CACNG5: variants seen among roughly 807,000 people sequenced by gnomAD.
CACNG5 encodes calcium voltage-gated channel auxiliary subunit gamma 5.
CACNG5 carries 18 observed loss-of-function variants against 24.8 expected under a neutral mutation model. The observed-to-expected ratio is 0.73, with a 90% CI of 0.50 to 1.08. The LOEUF (loss-of-function observed/expected upper bound fraction) is 1.08, where lower values mean the gene tolerates loss of function less well. Ranked by LOEUF, CACNG5 falls within the 50% of genes least tolerant of loss-of-function variation. CACNG5 has a pLI of 0.00. For missense variants in CACNG5, 349 were observed against 367.9 expected (o/e 0.95, Z 0.42); for synonymous variants, 157 against 149.1 (o/e 1.05, Z -0.39).
chr17:66,879,118 G>A (rs907021611), intron 3 of CACNG5, 60 bp downstream of exon 3: 9 of 1,261,558 alleles, frequency 7.1e-6, no homozygotes, highest in African/African-American at 5.9e-5. Flanking sequence ...GCAAGGCAGA[G>A]GGAAGAGTCA....
At chr17:66,857,468 GTTAAA>G (rs1180413182) in intron 1 of CACNG5, among the ~76,000 whole-genome samples, 1 of 152,102 alleles carries the variant, frequency 6.6e-6, no homozygotes, top group Non-Finnish European at 1.5e-5. Context: ...AAAGACACAG[GTTAAA>G]TTAATTTTAA....
chr17:66,850,934 A>G (rs762754310), intron 1 of CACNG5, among the ~76,000 whole-genome samples: 8 of 152,194 alleles, frequency 5.3e-5, no homozygotes, highest in Non-Finnish European at 1.0e-4. Flanking sequence ...AATACTAAGG[A>G]GAACCAGGGG....
intron 1 of CACNG5, among the ~76,000 whole-genome samples, chr17:66,839,687 G>T (rs1334335816): frequency 1.3e-5 from 2 of 151,798 alleles, no homozygotes; most frequent in Non-Finnish European, 2.9e-5. Flanking sequence ...CAGTGAGTCT[G>T]GGGGCTGGGC....
chr17:66,891,421 T>C lies in CACNG5; in HGVS notation c.*6181T>C, dbSNP rs1977343392. ...TTCTCACTCAGGATCTCCCAGGCAG[T>C]TGGAGTCAGACAGTGGCTGTCATTT... On this transcript the variant is annotated 3_prime_UTR_variant, in exon 6 of 6. Transcript: ENST00000533854. 6.6e-6 allele frequency among the ~76,000 whole-genome samples: 1 copy of C among 152,310 alleles called. No individual in the cohort carries two copies. Among genetic ancestry groups the C allele is most frequent in the Admixed American group, 6.5e-5 (1 of 15,304 alleles).
chr17:66,838,797 T>G (rs1235222522), intron 1 of CACNG5, among the ~76,000 whole-genome samples: 1 of 152,008 alleles, frequency 6.6e-6, no homozygotes, highest in Non-Finnish European at 1.5e-5. Context: ...TGCTGGCTGC[T>G]GTTCTAAGTA....
chr17:66,856,168 A>C (rs1416643617), intron 1 of CACNG5, among the ~76,000 whole-genome samples: 1 of 152,204 alleles, frequency 6.6e-6, no homozygotes, highest in Non-Finnish European at 1.5e-5. Context: ...TTGTGTTTAT[A>C]TTTTTTAGTA....
At chr17:66,877,660 G>A (rs1234957181) in intron 2 of CACNG5, 132 bp downstream of exon 2, 12 of 737,176 alleles carry the variant, frequency 1.6e-5, no homozygotes, top group South Asian at 5.5e-5. Context: ...TATATATGGC[G>A]GGTGGTGCTC....
At chr17:66,860,097 A>G (rs1396003646) in intron 1 of CACNG5, among the ~76,000 whole-genome samples, 1 of 152,186 alleles carries the variant, frequency 6.6e-6, no homozygotes, top group Non-Finnish European at 1.5e-5. Context: ...AGAGTTTTCA[A>G]GGTGGTGAGC....
chr17:66,854,030 T>C (rs993177777), intron 1 of CACNG5, among the ~76,000 whole-genome samples: 3 of 152,100 alleles, frequency 2.0e-5, no homozygotes, highest in African/African-American at 4.8e-5. Flanking sequence ...CAAAGGAACA[T>C]TATGCAGCAA....
chr17:66,887,050 G>T lies in CACNG5; in HGVS notation c.*1810G>T, dbSNP rs1194120203. Among the ~76,000 whole-genome samples, 1 of 152,272 alleles carries T rather than the reference G, an allele frequency of 6.6e-6. No homozygotes were observed. The highest frequency in any genetic ancestry group is 1.9e-4 in the East Asian group (1 of 5,180). On this transcript the variant is annotated 3_prime_UTR_variant, in exon 6 of 6. Transcript: ENST00000533854. ...TTTTCATGAAATAACCTCTTTAAAGGCTCTATCTCCAAATACAGTCATGTT... is the reference window on the plus strand; with the variant it reads ...TTTTCATGAAATAACCTCTTTAAAGTCTCTATCTCCAAATACAGTCATGTT...
chr17:66,884,895 CT>C, intron 5 of CACNG5, 87 bp from the exon 6 acceptor site: 1 of 1,613,722 alleles, frequency 6.2e-7, no homozygotes, highest in Non-Finnish European at 8.5e-7. Context: ...TCCCACCCCA[CT>C]CGAGCTGTGT....
At chr17:66,858,738 C>A (rs58588637) in intron 1 of CACNG5, among the ~76,000 whole-genome samples, 11,539 of 144,450 alleles carry the variant, frequency 0.08, 831 homozygotes, top group African/African-American at 0.2. Flanking sequence ...AGTGAAATCT[C>A]CCCCTGCATC....
chr17:66,875,541 C>G (rs1977063552), intron 1 of CACNG5, among the ~76,000 whole-genome samples: 1 of 152,190 alleles, frequency 6.6e-6, no homozygotes, highest in African/African-American at 2.4e-5. Context: ...CAAAGAGGCT[C>G]TAAACTCTGC....
At chr17:66,855,547 A>C (rs1035505405) in intron 1 of CACNG5, among the ~76,000 whole-genome samples, 2 of 152,140 alleles carry the variant, frequency 1.3e-5, no homozygotes, top group Non-Finnish European at 2.9e-5. Context: ...TTTTTGAGAC[A>C]GAGTCTCACC....
intron 1 of CACNG5, among the ~76,000 whole-genome samples, chr17:66,859,402 G>T (rs1976826032): frequency 6.6e-6 from 1 of 152,094 alleles, no homozygotes; most frequent in South Asian, 2.1e-4. Context: ...TTGGGTATGT[G>T]TCCTACATAT....
chr17:66,852,343 A>G (rs1249183553), intron 1 of CACNG5, among the ~76,000 whole-genome samples: 2 of 152,154 alleles, frequency 1.3e-5, no homozygotes, highest in African/African-American at 4.8e-5. Context: ...GGGAATTCTT[A>G]GTCTCCATAA....
At position 66,836,546 on chromosome 17, in the gene CACNG5, C is replaced by T. The variant is rs75444740; in HGVS notation, c.-104+1296C>T. On this transcript the variant is annotated intron_variant, in intron 1 of 5. Coordinates refer to ENST00000533854, the MANE Select transcript of CACNG5 (RefSeq NM_145811.3). ...AGACCCTGTAGCCAGCCCCTCATGCCGAAGTCTCCTGCCTGCCTGAGAAGC... is the reference window on the plus strand; with the variant it reads ...AGACCCTGTAGCCAGCCCCTCATGCTGAAGTCTCCTGCCTGCCTGAGAAGC... Among the ~76,000 whole-genome samples, 24 of 152,304 alleles carry T rather than the reference C, an allele frequency of 1.6e-4. 1 individual carries two copies. In the East Asian group the frequency reaches 4.2e-3, roughly 27 times the overall value.
Position 66,890,579 on chromosome 17 carries a change from G to A in CACNG5, c.*5339G>A, listed in dbSNP as rs1361903970. ...CTGGTGTGTGAAGCCAGGACTCCCT[G>A]TGTGCTCACTGTGGGGCTAAGGTTT... On this transcript the variant is annotated 3_prime_UTR_variant, in exon 6 of 6. Transcript: ENST00000533854. Among the ~76,000 whole-genome samples the A allele has an allele frequency of 6.6e-6, 1 of 152,234 alleles. No individual in the cohort carries two copies. Among genetic ancestry groups the A allele is most frequent in the African/African-American group, 2.4e-5 (1 of 41,454 alleles).
In CACNG5 at chr17:66,885,699, C is replaced by G. The variant is rs934392088; in HGVS notation, c.*459C>G. 6.6e-6 allele frequency among the ~76,000 whole-genome samples: 1 copy of G among 152,284 alleles called. No homozygotes were observed. The highest frequency in any genetic ancestry group is 2.4e-5 in the African/African-American group (1 of 41,480). Reference sequence around the variant, plus strand: ...CATTCACATTCAAGATCTGCACCATCTGGCCGAAAGGTGACTCTGATATAG... The same window carrying G: ...CATTCACATTCAAGATCTGCACCATGTGGCCGAAAGGTGACTCTGATATAG... On this transcript the variant is annotated 3_prime_UTR_variant, in exon 6 of 6. Transcript: ENST00000533854.
Sources: gnomAD v4.1 joint callset for allele counts (sites outside exome capture counted in the v4.1 genomes callset) on GRCh38, gnomAD v4.1.1 for gene constraint, MANE v1.5 for transcripts, NCBI Gene and HGNC (gene_info 2026-07-23, HGNC 2026-07-21) for gene names.